Variants in DYNAP observed in about 807,000 individuals in gnomAD.
DYNAP encodes the protein dynactin-associated protein.
In DYNAP, 7 loss-of-function variants were observed where a neutral mutation model predicts 8.5. That is an observed-to-expected ratio of 0.82 (90% confidence interval 0.47 to 1.54). The LOEUF (loss-of-function observed/expected upper bound fraction) is 1.54. DYNAP is among the 40% of genes most tolerant of loss of function. The pLI is 0.01. For synonymous variants in DYNAP, 77 were observed against 77.9 expected (o/e 0.99, Z 0.06); for missense variants, 256 against 224.3 (o/e 1.14, Z -0.90).
At chr18:54,587,734 G>A (rs370341789), upstream of DYNAP, 409 of 397,440 alleles carry the variant, frequency 1.0e-3, 10 homozygotes, top group South Asian at 0.048. Context: ...AGAAAAAATA[G>A]TTTATTTTGG....
intron 2 of DYNAP, 107 bp from the exon 3 acceptor site, chr18:54,597,705 TA>T (rs1911356580): frequency 1.3e-5 from 15 of 1,121,384 alleles, no homozygotes; most frequent in Non-Finnish European, 1.9e-5. Flanking sequence ...CAGAGACACA[TA>T]GTGACTCAAA....
chr18:54,583,194 T>C (rs527954282), upstream of DYNAP, among the ~76,000 whole-genome samples: 1 of 152,176 alleles, frequency 6.6e-6, no homozygotes, highest in Non-Finnish European at 1.5e-5. Flanking sequence ...AGACTATCTG[T>C]AGGTTTTCTC....
At chr18:54,596,488 G>A (rs1490836330) in intron 2 of DYNAP, among the ~76,000 whole-genome samples, 6 of 152,104 alleles carry the variant, frequency 3.9e-5, no homozygotes, top group African/African-American at 1.4e-4. Flanking sequence ...GGGGGGTGGG[G>A]CCCATACAAC....
upstream of DYNAP, among the ~76,000 whole-genome samples, chr18:54,583,530 A>G (rs1910784705): frequency 6.6e-6 from 1 of 152,186 alleles, no homozygotes; most frequent in Admixed American, 6.5e-5. Context: ...GCCAATCCAA[A>G]TGTCTACCTC....
upstream of DYNAP, among the ~76,000 whole-genome samples, chr18:54,582,906 T>C (rs1910766258): frequency 2.6e-5 from 4 of 152,210 alleles, no homozygotes; most frequent in East Asian, 7.7e-4. Context: ...CAGTGACCTA[T>C]ATATTTTTTA....
chr18:54,599,076 C>A lies in DYNAP; in HGVS notation c.*931C>A, dbSNP rs1911430659. 1 of 152,080 alleles carries A rather than the reference C, an allele frequency of 6.6e-6. No individual in the cohort carries two copies. Among genetic ancestry groups the A allele is most frequent in the Non-Finnish European group, 1.5e-5 (1 of 68,014 alleles). The allele number at this position is 152,080 out of a possible 1,614,324, so 9.4% of individuals were successfully genotyped here. A position where few individuals can be genotyped will look rare whatever the true frequency, so the allele number is the denominator to read the frequency against. On this transcript the variant is annotated 3_prime_UTR_variant, in exon 3 of 3. Transcript: ENST00000648945. ...CTTTCTGAACCAAGCCAATGTATTT[C>A]TTAAATGTATTTGATTGATGTCTCA...
In DYNAP at chr18:54,599,047, C is replaced by T. The variant is rs1911429670; in HGVS notation, c.*902C>T. The T allele has an allele frequency of 6.6e-6, 1 of 152,074 alleles. No individual in the cohort carries two copies. The highest frequency in any genetic ancestry group is 1.5e-5 in the Non-Finnish European group (1 of 67,992). The allele number at this position is 152,074 out of a possible 1,614,324, so 9.4% of individuals were successfully genotyped here. On this transcript the variant is annotated 3_prime_UTR_variant, in exon 3 of 3. Transcript: ENST00000648945. ...CTGGAAGCCCCAACTTTGAGTTGTC[C>T]TGCCTTTCTGAACCAAGCCAATGTA...
the DYNAP span, among the ~76,000 whole-genome samples, chr18:54,580,360 C>T: frequency 2.9e-3 from 438 of 152,330 alleles, 4 homozygotes; most frequent in East Asian, 0.037. Context: ...CTTACCAGCA[C>T]TTTAGCTAAA....
At chr18:54,597,473 T>G (rs969193132) in intron 2 of DYNAP, among the ~76,000 whole-genome samples, 1 of 152,098 alleles carries the variant, frequency 6.6e-6, no homozygotes. Flanking sequence ...AGGCTGAACA[T>G]GTGTGAGGGC....
rs1911438839 is a variant in DYNAP, at chr18:54,599,306, T to C, written c.*1161T>C. The C allele has an allele frequency of 6.6e-6, 1 of 152,108 alleles. No homozygotes were observed. The highest frequency in any genetic ancestry group is 1.5e-5 in the Non-Finnish European group (1 of 67,994). 9.4% of individuals were successfully genotyped at this position (152,108 alleles called of 1,614,324 possible). A position where few individuals can be genotyped will look rare whatever the true frequency, so the allele number is the denominator to read the frequency against. On this transcript the variant is annotated 3_prime_UTR_variant, in exon 3 of 3. Transcript: ENST00000648945. ...AAATGCCACCATTACCACTTAAAAC[T>C]TGATAGAACTAGCATCAGTCATCAA... is the stretch of plus-strand genomic sequence containing the variant.
At chr18:54,578,480 T>C in the DYNAP span, among the ~76,000 whole-genome samples, 1 of 152,194 alleles carries the variant, frequency 6.6e-6, no homozygotes. Context: ...AAAATATTAC[T>C]CAAGGTTTCA....
chr18:54,587,106 A>AT (rs1476387058), upstream of DYNAP, among the ~76,000 whole-genome samples: 2 of 152,108 alleles, frequency 1.3e-5, no homozygotes, highest in Non-Finnish European at 2.9e-5. Flanking sequence ...AGAATGGTAT[A>AT]TTTTTTCACA....
At chr18:54,584,764 G>T (rs1311110151), upstream of DYNAP, among the ~76,000 whole-genome samples, 1 of 152,104 alleles carries the variant, frequency 6.6e-6, no homozygotes, top group African/African-American at 2.4e-5. Context: ...CTTAAACTGG[G>T]CAATAGGAAT....
intron 1 of DYNAP, among the ~76,000 whole-genome samples, chr18:54,593,799 G>T (rs1346431245): frequency 2.0e-5 from 3 of 151,962 alleles, no homozygotes; most frequent in Admixed American, 2.0e-4. Flanking sequence ...GAGCATGAAG[G>T]CATATGCCTA....
the DYNAP span, among the ~76,000 whole-genome samples, chr18:54,577,667 AAC>A: frequency 1.3e-5 from 2 of 151,946 alleles, no homozygotes; most frequent in African/African-American, 4.8e-5. Context: ...AAGAAAAGAA[AAC>A]AGAGTTGAAG....
upstream of DYNAP, chr18:54,587,715 A>G (rs1441029987): frequency 2.5e-6 from 1 of 394,620 alleles, no homozygotes; most frequent in Non-Finnish European, 4.5e-6. Flanking sequence ...TTGTATATCC[A>G]TATTCTGAAG....
At chr18:54,582,598 A>G in the DYNAP span, among the ~76,000 whole-genome samples, 1 of 152,162 alleles carries the variant, frequency 6.6e-6, no homozygotes, top group African/African-American at 2.4e-5. Flanking sequence ...TCTACTCTTT[A>G]TTCAAAAAAA....
chr18:54,589,147 A>G (rs1261012047), upstream of DYNAP, among the ~76,000 whole-genome samples: 1 of 152,184 alleles, frequency 6.6e-6, no homozygotes, highest in African/African-American at 2.4e-5. Flanking sequence ...ATCAACTTTG[A>G]CCTAGGCTTT....
chr18:54,596,949 G>T (rs900746395), intron 2 of DYNAP, among the ~76,000 whole-genome samples: 3 of 151,948 alleles, frequency 2.0e-5, no homozygotes, highest in African/African-American at 7.3e-5. Context: ...TGAAACTCTA[G>T]TCTTCCAACA....
Sources: allele counts gnomAD v4.1 joint callset (sites outside exome capture counted in the v4.1 genomes callset), GRCh38; gene constraint gnomAD v4.1.1; transcripts MANE v1.5; gene names NCBI Gene and HGNC (gene_info 2026-07-23, HGNC 2026-07-21).